STXBP2: variants seen among roughly 807,000 people sequenced by gnomAD.
STXBP2 encodes the protein syntaxin-binding protein 2.
A neutral mutation model predicts 72.2 loss-of-function variants in STXBP2; 47 were observed. The ratio of observed to expected loss-of-function variants is 0.65; its 90% confidence interval spans 0.51 to 0.83. The LOEUF (loss-of-function observed/expected upper bound fraction) is 0.83. Ranked by LOEUF, STXBP2 falls within the 40% of genes least tolerant of loss-of-function variation. The probability of loss-of-function intolerance (pLI) is 0.00; values close to 1 mark genes in which losing one functional copy is unlikely to be tolerated. For missense variants in STXBP2, 702 were observed against 807.6 expected, an observed-to-expected ratio of 0.87 and a Z score of 1.58; for synonymous variants, 367 against 338.7, an observed-to-expected ratio of 1.08 and a Z score of -0.92.
At chr19:7,633,037 C>T (rs2146197304), upstream of STXBP2, 1 of 1,425,006 alleles carries the variant, frequency 7.0e-7, no homozygotes. Context: ...CCCCAGGGGC[C>T]CTGGCCAGCA....
chr19:7,643,101 T>C, intron 12 of STXBP2, 53 bp downstream of exon 12: 1 of 1,613,980 alleles, frequency 6.2e-7, no homozygotes. Context: ...AACCCCATGC[T>C]CTGTCTGCGT....
chr19:7,640,395 T>C (rs1307738056), intron 4 of STXBP2: 2 of 589,154 alleles, frequency 3.4e-6, no homozygotes, highest in Non-Finnish European at 3.1e-6. Flanking sequence ...TGTCTGCATG[T>C]GTGTATATGT....
In STXBP2 at chr19:7,643,195, T is replaced by C. The variant is rs767583157; in HGVS notation, c.1057T>C (p.Cys353Arg). The change falls in exon 13 of 19, where the codon TGT becomes CGT. Residue 353 changes from cysteine (C) to arginine (R), a missense_variant. Physicochemically the swap from Cys to Arg is radical, Grantham distance 180. Transcript: ENST00000221283. ...TACGCACCTGCATCTAGCAGATGAT[T>C]GTATGAAGCACTTCAAGGGCTCGGT... ...YSTHLHLADD[C>R]MKHFKGSVEK... 6.2e-7 allele frequency: 1 copy of C among 1,613,934 alleles called. No individual in the cohort carries two copies.
rs1011627332 is a variant in STXBP2, at chr19:7,639,964, C to T, written c.246+157C>T. ...CATGTGTGTGCATGTGTGTGTGCAT[C>T]TGTGTATGCATGTGTGTGCGTGTTT... On this transcript the variant is annotated intron_variant, in intron 4 of 18. Transcript: ENST00000221283. 2.0e-5 allele frequency: 16 copies of T among 805,262 alleles called. No individual in the cohort carries two copies. In the African/African-American group the frequency reaches 2.8e-4, roughly 14 times the overall value. 49.9% of individuals were successfully genotyped at this position (805,262 alleles called of 1,614,324 possible). A position where few individuals can be genotyped will look rare whatever the true frequency, so the allele number is the denominator to read the frequency against.
upstream of STXBP2, chr19:7,636,998 C>G: frequency 1.1e-6 from 1 of 880,752 alleles, no homozygotes; most frequent in Non-Finnish European, 1.5e-6. Flanking sequence ...ACTCAACTTC[C>G]TGGGCCTGGG....
chr19:7,647,204 G>C lies in STXBP2; in HGVS notation c.1495G>C (p.Val499Leu). 6.2e-7 allele frequency: 1 copy of C among 1,611,904 alleles called. No individual in the cohort carries two copies. The highest frequency in any genetic ancestry group is 8.5e-7 in the Non-Finnish European group (1 of 1,179,836). The change falls in exon 17 of 19, where the codon GTA (valine) becomes CTA (leucine). Residue 499 changes from valine (V) to leucine (L), a missense_variant. Physicochemically the swap from Val to Leu is conservative, Grantham distance 32. Transcript: ENST00000221283. ...GCTGGACAGGAACCTGTGGCCCTTCGTATCCGACCCCGCCCCCACGGCCAG... is the reference window on the plus strand; with the variant it reads ...GCTGGACAGGAACCTGTGGCCCTTCCTATCCGACCCCGCCCCCACGGCCAG... Reference protein sequence around the residue: ...DRLDRNLWPFVSDPAPTASSQ... With the variant: ...DRLDRNLWPFLSDPAPTASSQ...
chr19:7,636,805 T>C (rs1224750297), upstream of STXBP2: 1 of 272,616 alleles, frequency 3.7e-6, no homozygotes, highest in Non-Finnish European at 6.9e-6. Context: ...GGGTGCCGTG[T>C]ATCTTGCAGG....
chr19:7,642,419 T>A lies in STXBP2; in HGVS notation c.795-10T>A, dbSNP rs1370953207. ...TCCCCTGACCCCCAGGCTCCCTCCT[T>A]CCTCCCCAGGTATGAGACCACCGGG... On this transcript the variant is annotated splice_polypyrimidine_tract_variant and intron_variant, in intron 9 of 18. Transcript: ENST00000221283. This position sits in a 1 kb window ranked among gnomAD's most constrained non-coding sequence, Gnocchi z 6.0. 6.2e-7 allele frequency: 1 copy of A among 1,613,730 alleles called. No homozygotes were observed. Among genetic ancestry groups the A allele is most frequent in the South Asian group, 1.1e-5 (1 of 91,074 alleles).
the STXBP2 span, chr19:7,629,913 C>T: frequency 1.3e-6 from 2 of 1,481,674 alleles, no homozygotes; most frequent in South Asian, 2.6e-5. Context: ...CTTCCTGGAT[C>T]TGAAGATGAG....
At chr19:7,637,753 C>T (rs537321406) in intron 1 of STXBP2, among the ~76,000 whole-genome samples, 25 of 152,184 alleles carry the variant, frequency 1.6e-4, no homozygotes, top group Non-Finnish European at 2.9e-4. Flanking sequence ...TCTTCCTCCA[C>T]CCCGGGGAGT....
chr19:7,646,256 G>A lies in STXBP2; in HGVS notation c.1364G>A (p.Gly455Glu). Reference protein sequence around the residue: ...GGTVTNPGGSGTSSRLEPRER... With the variant: ...GGTVTNPGGSETSSRLEPRER... The stretch of plus-strand genomic sequence containing the variant: ...TCCCTGCCCTGCCTGTAGGGCTCGG[G>A]GACCTCCAGCCGGCTGGAGCCGAGA... Residue 455 changes from glycine to glutamate, a missense_variant, in exon 16 of 19, where the codon GGG (glycine) becomes GAG (glutamate). Coordinates refer to ENST00000221283, the MANE Select transcript of STXBP2 (RefSeq NM_006949.4). The A allele has an allele frequency of 6.2e-7, 1 of 1,605,272 alleles. No individual in the cohort carries two copies. The highest frequency in any genetic ancestry group is 1.3e-5 in the African/African-American group (1 of 74,942).
intron 1 of STXBP2, among the ~76,000 whole-genome samples, chr19:7,638,213 C>T (rs2031640190): frequency 6.6e-6 from 1 of 152,252 alleles, no homozygotes; most frequent in African/African-American, 2.4e-5. Context: ...CTTAGACACT[C>T]AGGATGCGTA....
chr19:7,640,128 ATGTATG>A (rs1346134102), intron 4 of STXBP2: 11 of 497,404 alleles, frequency 2.2e-5, no homozygotes, highest in South Asian at 4.8e-5. Context: ...ATGCGTGTGT[ATGTATG>A]TGTGTGTGCA....
Position 7,641,745 on chromosome 19 carries a change from A to C in STXBP2, c.470A>C (p.Tyr157Ser), listed in dbSNP as rs779731433. The C allele has an allele frequency of 8.4e-6, 13 of 1,553,166 alleles. No homozygotes were observed. The highest frequency in any genetic ancestry group is 2.0e-4 in the Middle Eastern group (1 of 4,956). ...GCTCCCCACAGCACCTACAACCTCT[A>C]CTGCCCCTTCCGGGCAGAGGAGCGC... ...LDAPHSTYNL[Y>S]CPFRAEERTR... The change falls in exon 7 of 19, where the codon TAC becomes TCC. Residue 157 changes from tyrosine to serine, a missense_variant. Transcript: ENST00000221283.
In STXBP2 at chr19:7,642,522, C is replaced by T. The variant is rs1350527680; in HGVS notation, c.888C>T (p.Ile296=). 3.1e-6 allele frequency: 5 copies of T among 1,613,914 alleles called. No individual in the cohort carries two copies. Among genetic ancestry groups the T allele is most frequent in the Non-Finnish European group, 4.2e-6 (5 of 1,180,022 alleles). Residue 296 remains isoleucine (I), a synonymous_variant, in exon 10 of 19, where the codon ATC becomes ATT. Coordinates refer to ENST00000221283, the MANE Select transcript of STXBP2 (RefSeq NM_006949.4). The surrounding 1 kb of genome is among the most constrained non-coding windows in gnomAD (Gnocchi z 6.0). Reference sequence around the variant, plus strand: ...GGGTGGAGCTTCGCCACATGCATATCGCAGATGTGTCCAAGTGCGTGCACA... The same window carrying T: ...GGGTGGAGCTTCGCCACATGCATATTGCAGATGTGTCCAAGTGCGTGCACA... ...DLWVELRHMH[I]ADVSKKVTEL...
chr19:7,632,588 C>T, upstream of STXBP2: 3 of 1,598,060 alleles, frequency 1.9e-6, no homozygotes, highest in Non-Finnish European at 2.6e-6. This position sits in a 1 kb window ranked among gnomAD's most constrained non-coding sequence, Gnocchi z 5.2. Flanking sequence ...CCTTCACCCC[C>T]ACACAGATGC....
At position 7,637,132 on chromosome 19, in the gene STXBP2, C is replaced by A; in HGVS notation, c.-18C>A. 1 of 1,240,206 alleles carries A rather than the reference C, an allele frequency of 8.1e-7. No individual in the cohort carries two copies. The allele number at this position is 1,240,206 out of a possible 1,614,324, so 76.8% of individuals were successfully genotyped here. A position where few individuals can be genotyped will look rare whatever the true frequency, so the allele number is the denominator to read the frequency against. On this transcript the variant is annotated 5_prime_UTR_variant, in exon 1 of 19. Coordinates refer to ENST00000221283, the MANE Select transcript of STXBP2 (RefSeq NM_006949.4). ...CTTGGGACACACCCGGAAGCGGCGG[C>A]GGCGCCCCTCGGGGAAGATGGCGCC...
At chr19:7,630,335 T>G in the STXBP2 span, 2 of 566,914 alleles carry the variant, frequency 3.5e-6, no homozygotes. Context: ...TGTGTCTGTC[T>G]GTGTTTGAGA....
upstream of STXBP2, chr19:7,632,935 C>G (rs1344543919): frequency 2.7e-6 from 4 of 1,491,594 alleles, no homozygotes; most frequent in African/African-American, 2.8e-5. This position sits in a 1 kb window ranked among gnomAD's most constrained non-coding sequence, Gnocchi z 5.2. Context: ...CTGCCGTCCC[C>G]ACTTCCTCAG....
Sources: gnomAD v4.1 joint callset for allele counts (sites outside exome capture counted in the v4.1 genomes callset) on GRCh38, gnomAD v4.1.1 for gene constraint, Gnocchi (gnomAD v3.1) non-coding constraint, MANE v1.5 for transcripts, NCBI Gene and HGNC (gene_info 2026-07-23, HGNC 2026-07-21) for gene names.